MAGI2: variants seen among roughly 807,000 people sequenced by gnomAD.
MAGI2 encodes the protein membrane associated guanylate kinase, WW and PDZ domain containing 2.
Under a neutral mutation model 133.3 loss-of-function variants are expected in MAGI2, and 35 were observed. That is an observed-to-expected ratio of 0.26 (90% confidence interval 0.20 to 0.35). The LOEUF is 0.35. Ranked by LOEUF, MAGI2 falls within the 10% of genes least tolerant of loss-of-function variation. MAGI2 has a pLI of 1.00. For synonymous variants in MAGI2, 729 were observed against 710.6 expected, an observed-to-expected ratio of 1.03 and a Z score of -0.41; for missense variants, 1,636 against 1,863.4, an observed-to-expected ratio of 0.88 and a Z score of 2.25.
At chr7:79,182,458 A>G (rs1826706423) in intron 1 of MAGI2, among the ~76,000 whole-genome samples, 1 of 151,960 alleles carries the variant, frequency 6.6e-6, no homozygotes, top group Admixed American at 6.6e-5. Flanking sequence ...TCCTGTCCCC[A>G]TGATTCAACC....
At chr7:78,099,536 A>T (rs1818015672) in intron 20 of MAGI2, among the ~76,000 whole-genome samples, 1 of 152,180 alleles carries the variant, frequency 6.6e-6, no homozygotes, top group Admixed American at 6.5e-5. Context: ...ATACATCACT[A>T]AAAAGATAAG....
At chr7:79,009,271 T>C (rs1807803508) in intron 1 of MAGI2, 2 of 152,128 alleles carry the variant, frequency 1.3e-5, no homozygotes. Context: ...TTGAAAGTTA[T>C]CTACCTCAGA....
At position 78,921,035 on chromosome 7, in the gene MAGI2, A is replaced by G. The variant is rs867633813; in HGVS notation, c.418+86055T>C. ...GAATACAGCATGATATGGACTCAGGAACAGGCTGATTGTCTATTCTTGACA... is the reference window on the plus strand; with the variant it reads ...GAATACAGCATGATATGGACTCAGGGACAGGCTGATTGTCTATTCTTGACA... On this transcript the variant is annotated intron_variant, in intron 2 of 21. Transcript: ENST00000354212. Among the ~76,000 whole-genome samples the G allele has an allele frequency of 7.9e-5, 12 of 152,220 alleles. 1 individual carries two copies. The Middle Eastern group carries it at 0.024, about 302-fold the overall frequency.
intron 18 of MAGI2, among the ~76,000 whole-genome samples, chr7:78,128,174 G>A (rs769156719): frequency 1.3e-5 from 2 of 152,184 alleles, no homozygotes; most frequent in Non-Finnish European, 2.9e-5. Context: ...CTAGATATTA[G>A]TTACTAATGA....
At chr7:78,223,624 TA>T (rs1222088365) in intron 10 of MAGI2, among the ~76,000 whole-genome samples, 6 of 152,130 alleles carry the variant, frequency 3.9e-5, no homozygotes, top group African/African-American at 1.4e-4. Flanking sequence ...AAATAACCAT[TA>T]AAAATGTTGA....
At chr7:78,488,115 A>G (rs1008781945) in intron 6 of MAGI2, among the ~76,000 whole-genome samples, 3 of 152,054 alleles carry the variant, frequency 2.0e-5, no homozygotes, top group African/African-American at 7.2e-5. Context: ...TTTATTTTGT[A>G]GTGAATGAAA....
rs142830717 is a variant in MAGI2, at chr7:78,803,391, A to T, written c.419-176152T>A. ...GTGCTAGCAAATATAATATTGATGG[A>T]TTATATGGCTTTTCAAAGTTTTTCA... On this transcript the variant is annotated intron_variant, in intron 2 of 21. Coordinates refer to ENST00000354212, the MANE Select transcript of MAGI2 (RefSeq NM_012301.4). Among the ~76,000 whole-genome samples the T allele has an allele frequency of 7.2e-3, 1,096 of 152,312 alleles. 38 individuals are homozygous for T. Among genetic ancestry groups the T allele is most frequent in the Admixed American group, 0.049 (745 of 15,298 alleles).
At chr7:78,660,733 C>A (rs185562179) in intron 2 of MAGI2, among the ~76,000 whole-genome samples, 1 of 152,216 alleles carries the variant, frequency 6.6e-6, no homozygotes, top group Non-Finnish European at 1.5e-5. Flanking sequence ...TCCATGTTAA[C>A]CTTGCTTAAA....
At chr7:78,513,404 C>T (rs1320378279) in intron 4 of MAGI2, among the ~76,000 whole-genome samples, 1 of 152,044 alleles carries the variant, frequency 6.6e-6, no homozygotes, top group East Asian at 1.9e-4. Flanking sequence ...AAAAGAAAGG[C>T]CAGTCCTCAG....
At chr7:78,573,538 G>A (rs377737226) in intron 3 of MAGI2, among the ~76,000 whole-genome samples, 1 of 146,038 alleles carries the variant, frequency 6.8e-6, no homozygotes, top group Non-Finnish European at 1.5e-5. Flanking sequence ...CTTTCGGGTC[G>A]CTTGATAAAT....
intron 1 of MAGI2, among the ~76,000 whole-genome samples, chr7:79,137,577 C>T (rs1033976536): frequency 6.6e-5 from 10 of 151,678 alleles, no homozygotes; most frequent in African/African-American, 2.2e-4. Context: ...CTCAGCCTCC[C>T]GTGCAGCTGG....
At chr7:78,451,668 T>C (rs1788738742) in intron 6 of MAGI2, among the ~76,000 whole-genome samples, 1 of 152,024 alleles carries the variant, frequency 6.6e-6, no homozygotes, top group Non-Finnish European at 1.5e-5. Flanking sequence ...CTCACAGAGA[T>C]TTGTTGTGAG....
intron 12 of MAGI2, among the ~76,000 whole-genome samples, chr7:78,189,650 A>G (rs1418670046): frequency 6.6e-6 from 1 of 152,210 alleles, no homozygotes; most frequent in African/African-American, 2.4e-5. Context: ...TCATAATTCA[A>G]CTTGGGTTTA....
chr7:79,360,431 A>G (rs10228999), intron 1 of MAGI2, among the ~76,000 whole-genome samples: 2,287 of 72,734 alleles, frequency 0.031, 50 homozygotes, highest in African/African-American at 0.15. Flanking sequence ...TAGAACATCA[A>G]AAAGGAAGAA....
intron 1 of MAGI2, among the ~76,000 whole-genome samples, chr7:79,055,903 G>A (rs1813107780): frequency 6.6e-6 from 1 of 152,142 alleles, no homozygotes; most frequent in African/African-American, 2.4e-5. Flanking sequence ...ACACAGTAAT[G>A]ATCCCTCCAG....
intron 1 of MAGI2, among the ~76,000 whole-genome samples, chr7:79,438,920 A>C (rs962376644): frequency 6.6e-6 from 1 of 152,112 alleles, no homozygotes; most frequent in Admixed American, 6.6e-5. Context: ...TTATCCACCT[A>C]CAGTATAATG....
intron 3 of MAGI2, chr7:78,568,239 G>A (rs546477376): frequency 3.9e-5 from 6 of 152,138 alleles, no homozygotes; most frequent in South Asian, 2.1e-4. Flanking sequence ...CCTATATGAA[G>A]TCATTCAGTC....
chr7:78,774,972 G>A lies in MAGI2; in HGVS notation c.419-147733C>T, dbSNP rs151008014. Among the ~76,000 whole-genome samples the A allele has an allele frequency of 1.3e-3, 198 of 152,236 alleles. 2 individuals are homozygous for A. The highest frequency in any genetic ancestry group is 2.0e-3 in the Non-Finnish European group (139 of 68,020). ...TGACTATCCATTTTACTAGTCAGTAGAGGATATATATTTGGTTTTGAACTC... is the reference window on the plus strand; with the variant it reads ...TGACTATCCATTTTACTAGTCAGTAAAGGATATATATTTGGTTTTGAACTC... On this transcript the variant is annotated intron_variant, in intron 2 of 21. Coordinates refer to ENST00000354212, the MANE Select transcript of MAGI2 (RefSeq NM_012301.4).
chr7:79,428,505 T>C (rs1847551835), intron 1 of MAGI2, among the ~76,000 whole-genome samples: 1 of 152,218 alleles, frequency 6.6e-6, no homozygotes, highest in African/African-American at 2.4e-5. Context: ...TAGGATCAAA[T>C]GCTTTGGACT....
Sources: gnomAD v4.1 joint callset for allele counts (sites outside exome capture counted in the v4.1 genomes callset) on GRCh38, gnomAD v4.1.1 for gene constraint, MANE v1.5 for transcripts, NCBI Gene and HGNC (gene_info 2026-07-23, HGNC 2026-07-21) for gene names.